SLC25A12: variants seen among roughly 807,000 people sequenced by gnomAD.
The protein encoded by SLC25A12 is electrogenic aspartate/glutamate antiporter SLC25A12, mitochondrial.
In SLC25A12, 32 loss-of-function variants were observed where a neutral mutation model predicts 83.3. That is an observed-to-expected ratio of 0.38 (90% confidence interval 0.29 to 0.52). The LOEUF (loss-of-function observed/expected upper bound fraction) is 0.52. Among genes scored for constraint, SLC25A12 ranks in the 20% least tolerant of loss-of-function variants. The pLI, the probability that SLC25A12 is intolerant of heterozygous loss-of-function variation, is 0.84. For missense variants in SLC25A12, 611 were observed against 835.6 expected (o/e 0.73, Z 3.31); for synonymous variants, 267 against 291.1 (o/e 0.92, Z 0.84).
chr2:171,837,058 C>T lies in SLC25A12; in HGVS notation c.612+63G>A. The T allele has an allele frequency of 2.0e-6, 3 of 1,534,900 alleles. 1 individual carries two copies. The South Asian group carries it at 3.4e-5, about 17-fold the overall frequency. ...GTCATATGAGTCCCTGGAGGCAATCCAGGACTCAATGGATCAAAAGGTTTG... is the reference window on the plus strand; with the variant it reads ...GTCATATGAGTCCCTGGAGGCAATCTAGGACTCAATGGATCAAAAGGTTTG... On this transcript the variant is annotated intron_variant, in intron 6 of 17. Transcript: ENST00000422440.
chr2:171,833,384 A>G (rs1216810262), intron 8 of SLC25A12, among the ~76,000 whole-genome samples: 2 of 152,052 alleles, frequency 1.3e-5, no homozygotes, highest in Admixed American at 6.6e-5. Flanking sequence ...ATAAATTCCA[A>G]GAGAAAAAGA....
intron 3 of SLC25A12, among the ~76,000 whole-genome samples, chr2:171,865,957 G>GTCTC (rs1333887436): frequency 6.8e-6 from 1 of 147,780 alleles, no homozygotes; most frequent in Non-Finnish European, 1.5e-5. Context: ...GTGAACAAAG[G>GTCTC]TCTCTGGTTT....
chr2:171,855,687 CA>C, intron 4 of SLC25A12, 146 bp downstream of exon 4: 2 of 684,250 alleles, frequency 2.9e-6, no homozygotes, highest in Non-Finnish European at 2.6e-6. Flanking sequence ...AAAATAAAGC[CA>C]TCATTATCTG....
chr2:171,792,058 C>A (rs570178645), intron 14 of SLC25A12, among the ~76,000 whole-genome samples: 1 of 152,176 alleles, frequency 6.6e-6, no homozygotes, highest in East Asian at 1.9e-4. Context: ...GGAAAAGAAA[C>A]CCAAATCTTC....
At chr2:171,874,980 G>A (rs1047556923) in intron 2 of SLC25A12, among the ~76,000 whole-genome samples, 20 of 152,292 alleles carry the variant, frequency 1.3e-4, no homozygotes, top group African/African-American at 4.8e-4. Context: ...CACGGCAGAT[G>A]GGAAATTGGC....
At chr2:171,863,834 T>C (rs1685221835) in intron 3 of SLC25A12, among the ~76,000 whole-genome samples, 1 of 152,202 alleles carries the variant, frequency 6.6e-6, no homozygotes, top group Admixed American at 6.6e-5. Flanking sequence ...TATTGAAAGA[T>C]CCTATGAGTG....
chr2:171,797,642 T>G (rs1683627000), intron 13 of SLC25A12, among the ~76,000 whole-genome samples: 1 of 152,236 alleles, frequency 6.6e-6, no homozygotes, highest in Admixed American at 6.5e-5. Context: ...GTAAATTTGG[T>G]AATTTGGCAA....
At chr2:171,812,563 A>C (rs1558915572) in intron 11 of SLC25A12, among the ~76,000 whole-genome samples, 1 of 152,160 alleles carries the variant, frequency 6.6e-6, no homozygotes, top group Admixed American at 6.6e-5. Flanking sequence ...TCTAATGTGA[A>C]AACACATACA....
At chr2:171,844,009 T>C (rs1684739799) in intron 5 of SLC25A12, among the ~76,000 whole-genome samples, 2 of 152,048 alleles carry the variant, frequency 1.3e-5, no homozygotes, top group South Asian at 4.2e-4. Context: ...ATGGTCTGGA[T>C]CTCCTGACCT....
chr2:171,852,349 T>C (rs753438980), intron 4 of SLC25A12, among the ~76,000 whole-genome samples: 1 of 152,158 alleles, frequency 6.6e-6, no homozygotes, highest in Non-Finnish European at 1.5e-5. Context: ...GTGTATAAAA[T>C]CATATCTAAA....
chr2:171,809,775 G>A (rs1015538048), intron 12 of SLC25A12, 89 bp from the exon 13 acceptor site: 8 of 929,234 alleles, frequency 8.6e-6, no homozygotes, highest in Non-Finnish European at 1.3e-5. Context: ...CAAAATATTT[G>A]TCTTATGATA....
chr2:171,845,603 T>C (rs115674381), intron 4 of SLC25A12: 3,495 of 176,140 alleles, frequency 0.02, 49 homozygotes, highest in Non-Finnish European at 0.033. Context: ...TTAAATAAGA[T>C]ACTGATCTCA....
At chr2:171,884,996 A>C (rs907735436) in intron 2 of SLC25A12, among the ~76,000 whole-genome samples, 8 of 151,942 alleles carry the variant, frequency 5.3e-5, no homozygotes, top group Non-Finnish European at 8.8e-5. Flanking sequence ...GGTGGATCAC[A>C]AAGTCAGGAG....
intron 13 of SLC25A12, among the ~76,000 whole-genome samples, chr2:171,803,799 A>T (rs532685931): frequency 8.4e-6 from 1 of 118,888 alleles, no homozygotes; most frequent in African/African-American, 3.0e-5. Context: ...CGCTACCATT[A>T]TTTAAAAAAA....
At chr2:171,819,469 A>G (rs1226922575) in intron 9 of SLC25A12, among the ~76,000 whole-genome samples, 2 of 134,790 alleles carry the variant, frequency 1.5e-5, no homozygotes, top group African/African-American at 5.5e-5. Flanking sequence ...TATATTATAT[A>G]TATTAATATA....
chr2:171,802,737 C>G (rs534926560), intron 13 of SLC25A12, among the ~76,000 whole-genome samples: 1 of 152,266 alleles, frequency 6.6e-6, no homozygotes, highest in African/African-American at 2.4e-5. Flanking sequence ...GATCACGCTA[C>G]TGCACTCCAG....
At chr2:171,845,380 GC>G (rs961898993) in intron 4 of SLC25A12, among the ~76,000 whole-genome samples, 1 of 150,234 alleles carries the variant, frequency 6.7e-6, no homozygotes, top group African/African-American at 2.4e-5. Context: ...AGAAGCTCAT[GC>G]CAAAAAAAAA....
At chr2:171,877,575 G>A (rs915987217) in intron 2 of SLC25A12, among the ~76,000 whole-genome samples, 1 of 150,866 alleles carries the variant, frequency 6.6e-6, no homozygotes, top group South Asian at 2.1e-4. Flanking sequence ...GGAGGCAGGA[G>A]AATCACTTGA....
intron 2 of SLC25A12, among the ~76,000 whole-genome samples, chr2:171,886,719 C>T (rs753113806): frequency 6.6e-6 from 1 of 151,974 alleles, no homozygotes; most frequent in Non-Finnish European, 1.5e-5. Context: ...ACCATGTTAG[C>T]CAGGATGGTC....
Sources: gnomAD v4.1 joint callset for allele counts (sites outside exome capture counted in the v4.1 genomes callset) on GRCh38, gnomAD v4.1.1 for gene constraint, MANE v1.5 for transcripts, NCBI Gene and HGNC (gene_info 2026-07-23, HGNC 2026-07-21) for gene names.